The following RAB3C variants were observed in gnomAD, a reference collection of about 807,000 sequenced individuals.
The protein encoded by RAB3C is RAB3C, member RAS oncogene family, also known as ras-related protein Rab-3C.
A neutral mutation model predicts 26.4 loss-of-function variants in RAB3C; 17 were observed. The ratio of observed to expected loss-of-function variants is 0.64; its 90% confidence interval spans 0.44 to 0.97. RAB3C has a LOEUF of 0.97. RAB3C is among the 50% of genes least tolerant of loss of function. The pLI is 0.00. For synonymous variants in RAB3C, 91 were observed against 95.9 expected (o/e 0.95, Z 0.30); for missense variants, 242 against 281.9 (o/e 0.86, Z 1.01).
chr5:58,822,883 G>A (rs1241669866), intron 3 of RAB3C: 3 of 639,332 alleles, frequency 4.7e-6, no homozygotes, highest in Non-Finnish European at 8.9e-6. Flanking sequence ...AAGTGGAGAT[G>A]ACTGGAGATT....
chr5:58,813,611 TATATATATATATATATATATATACAC>T (rs1229702550), intron 3 of RAB3C, among the ~76,000 whole-genome samples: 6 of 75,252 alleles, frequency 8.0e-5, no homozygotes, highest in South Asian at 4.3e-4. Flanking sequence ...TATATATATA[TATATATATATATATATATATATACAC>T]ACACACACAC....
chr5:58,720,889 A>G (rs1740733751), intron 2 of RAB3C, among the ~76,000 whole-genome samples: 1 of 151,848 alleles, frequency 6.6e-6, no homozygotes. Context: ...AGTAACCACT[A>G]AAACAAAAAA....
intron 2 of RAB3C, among the ~76,000 whole-genome samples, chr5:58,702,978 G>GA (rs1748878247): frequency 6.6e-6 from 1 of 151,998 alleles, no homozygotes; most frequent in Admixed American, 6.6e-5. Flanking sequence ...ATTTTTGACG[G>GA]AAAAATACAA....
intron 2 of RAB3C, among the ~76,000 whole-genome samples, chr5:58,667,390 T>C (rs1748023702): frequency 1.3e-5 from 2 of 152,126 alleles, no homozygotes; most frequent in Non-Finnish European, 2.9e-5. Flanking sequence ...TTCCTCTCCC[T>C]CCTTTCCTGG....
At chr5:58,795,860 G>GGA (rs1742632918) in intron 3 of RAB3C, among the ~76,000 whole-genome samples, 1 of 151,938 alleles carries the variant, frequency 6.6e-6, no homozygotes, top group African/African-American at 2.4e-5. Flanking sequence ...AAAAAGAAGT[G>GGA]AAAAAAAGGC....
chr5:58,744,909 G>GT (rs944886252), intron 3 of RAB3C, among the ~76,000 whole-genome samples: 2 of 152,078 alleles, frequency 1.3e-5, no homozygotes, highest in African/African-American at 2.4e-5. Flanking sequence ...TCCGATTTCA[G>GT]TTTTTTTCAG....
chr5:58,701,315 A>T (rs1292130473), intron 2 of RAB3C, among the ~76,000 whole-genome samples: 5 of 152,118 alleles, frequency 3.3e-5, no homozygotes, highest in Admixed American at 3.3e-4. Context: ...TCATTTTTTA[A>T]TCACATTCTA....
chr5:58,714,452 A>G (rs928156656), intron 2 of RAB3C, among the ~76,000 whole-genome samples: 4 of 152,150 alleles, frequency 2.6e-5, no homozygotes, highest in African/African-American at 7.2e-5. Flanking sequence ...ACCTTCCCCA[A>G]TGGGATTTCT....
intron 2 of RAB3C, among the ~76,000 whole-genome samples, chr5:58,725,203 A>G (rs960132757): frequency 6.6e-6 from 1 of 151,860 alleles, no homozygotes; most frequent in South Asian, 2.1e-4. Context: ...TGCTGGCTAC[A>G]GTATTCTTGG....
intron 3 of RAB3C, among the ~76,000 whole-genome samples, chr5:58,750,811 C>T (rs1223047132): frequency 6.6e-6 from 1 of 151,926 alleles, no homozygotes; most frequent in Non-Finnish European, 1.5e-5. Context: ...TCCTTCCTTC[C>T]TTCCTTGCTT....
intron 3 of RAB3C, among the ~76,000 whole-genome samples, chr5:58,822,072 T>C (rs1743354884): frequency 1.3e-5 from 2 of 152,224 alleles, no homozygotes; most frequent in African/African-American, 2.4e-5. Flanking sequence ...CCAGGTAATA[T>C]GTCTTTCCCA....
rs112525549 is a variant in RAB3C, at chr5:58,583,992, G to T, written c.24+760G>T. Among the ~76,000 whole-genome samples the T allele has an allele frequency of 3.7e-3, 560 of 152,336 alleles. 4 individuals carry two copies. The highest frequency in any genetic ancestry group is 0.013 in the African/African-American group (526 of 41,568). ...TGCTTAAGTTTTGTTTTTAAGTAAA[G>T]ATGAGTGATAATTCTCGTCTCTATG... On this transcript the variant is annotated intron_variant, in intron 1 of 4. Transcript: ENST00000282878.
At chr5:58,800,999 A>C (rs193230297) in intron 3 of RAB3C, among the ~76,000 whole-genome samples, 1 of 152,298 alleles carries the variant, frequency 6.6e-6, no homozygotes, top group African/African-American at 2.4e-5. Context: ...CTTTGGGTAC[A>C]TTCCTGAGTC....
chr5:58,797,349 AAAAAATATG>A lies in RAB3C; in HGVS notation c.372-27688_372-27680del, dbSNP rs1368959326. Among the ~76,000 whole-genome samples, 45 of 12,894 alleles carry A rather than the reference AAAAAATATG, an allele frequency of 3.5e-3. 3 individuals are homozygous for A. Among genetic ancestry groups the A allele is most frequent in the African/African-American group, 0.011 (40 of 3,796 alleles). 8.5% of individuals were successfully genotyped at this position (12,894 alleles called of 152,430 possible). A position where few individuals can be genotyped will look rare whatever the true frequency, so the allele number is the denominator to read the frequency against. On this transcript the variant is annotated intron_variant, in intron 3 of 4. Transcript: ENST00000282878. Reference sequence around the variant, plus strand: ...AGACTCCCTGGAAGACAAAAAAAAAAAAAAATATGTATATATATAATATATATATATATA... The same window carrying A: ...AGACTCCCTGGAAGACAAAAAAAAAATATATATATAATATATATATATATA...
At chr5:58,651,928 G>T (rs1747659675) in intron 2 of RAB3C, among the ~76,000 whole-genome samples, 1 of 149,256 alleles carries the variant, frequency 6.7e-6, no homozygotes, top group Admixed American at 6.7e-5. Context: ...CAATGTAAAT[G>T]CTATGTAAAT....
At chr5:58,592,215 C>A (rs144316468) in intron 1 of RAB3C, among the ~76,000 whole-genome samples, 1 of 152,198 alleles carries the variant, frequency 6.6e-6, no homozygotes, top group Non-Finnish European at 1.5e-5. Context: ...GTTGGCTTTT[C>A]AACTGTGTAT....
At chr5:58,704,604 A>G (rs1748908243) in intron 2 of RAB3C, among the ~76,000 whole-genome samples, 1 of 152,160 alleles carries the variant, frequency 6.6e-6, no homozygotes, top group Non-Finnish European at 1.5e-5. Context: ...TGCTGAATGT[A>G]TCTGGGGTTG....
chr5:58,813,664 G>A (rs1743147424), intron 3 of RAB3C, among the ~76,000 whole-genome samples: 1 of 143,572 alleles, frequency 7.0e-6, no homozygotes, highest in African/African-American at 2.5e-5. Context: ...ACATATGGTA[G>A]AACCACAGCT....
At chr5:58,636,392 A>C (rs891770137) in intron 2 of RAB3C, among the ~76,000 whole-genome samples, 2 of 152,220 alleles carry the variant, frequency 1.3e-5, no homozygotes, top group Non-Finnish European at 2.9e-5. Flanking sequence ...TCAAGTATCC[A>C]TCATAACTGG....
Sources: gnomAD v4.1 joint callset for allele counts (sites outside exome capture counted in the v4.1 genomes callset) on GRCh38, gnomAD v4.1.1 for gene constraint, MANE v1.5 for transcripts, NCBI Gene and HGNC (gene_info 2026-07-23, HGNC 2026-07-21) for gene names.